USH2A: variants seen among roughly 807,000 people sequenced by gnomAD.
USH2A encodes usherin.
In USH2A, 443 loss-of-function variants were observed where a neutral mutation model predicts 538.9. The ratio of observed to expected loss-of-function variants is 0.82; its 90% CI spans 0.76 to 0.89. The LOEUF is 0.89. USH2A is among the 40% of genes least tolerant of loss of function. The pLI, the probability that USH2A is intolerant of heterozygous loss-of-function variation, is 0.00. For missense variants in USH2A, 6,633 were observed against 6,324.8 expected (o/e 1.05, Z -1.65); for synonymous variants, 2,413 against 2,273.5 (o/e 1.06, Z -1.75).
rs141474637 is a variant in USH2A at position 215,746,995 on chromosome 1, G to A, written c.11390-3660C>T. ...AAAGTTCAAGATTAGAGAATTGTAT[G>A]TATGGTGAGTGATTAGAATTTTTGC... On this transcript the variant is annotated intron_variant, in intron 58 of 71. Coordinates refer to ENST00000307340, the MANE Select transcript of USH2A (RefSeq NM_206933.4). 4.2e-3 allele frequency among the ~76,000 whole-genome samples: 639 copies of A among 152,288 alleles called. 3 individuals carry two copies. Among genetic ancestry groups the A allele is most frequent in the African/African-American group, 0.015 (620 of 41,556 alleles).
Position 216,422,366 on chromosome 1 carries a change from A to G in USH2A, c.-30T>C. 1 of 1,613,188 alleles carries G rather than the reference A, an allele frequency of 6.2e-7. No homozygotes were observed. Among genetic ancestry groups the G allele is most frequent in the Non-Finnish European group, 8.5e-7 (1 of 1,179,704 alleles). ...ACAAAAAAGCATTCTCCTCCTGATA[A>G]AGCATTTCTAAATAAATAATCAGGC... On this transcript the variant is annotated 5_prime_UTR_variant, in exon 2 of 72. Transcript: ENST00000307340.
chr1:216,400,256 C>A lies in USH2A; in HGVS notation c.651+18258G>T, dbSNP rs1414779466. On this transcript the variant is annotated intron_variant, in intron 3 of 71. Coordinates refer to ENST00000307340, the MANE Select transcript of USH2A (RefSeq NM_206933.4). ...TATATATAAAAGATCCAAACGGAAA[C>A]TAAATAACTGAAACATACAACCATT... is the stretch of plus-strand genomic sequence containing the variant. 4.0e-5 allele frequency among the ~76,000 whole-genome samples: 6 copies of A among 149,854 alleles called. No individual in the cohort carries two copies. The East Asian group carries it at 1.2e-3, about 29-fold the overall frequency.
intron 4 of USH2A, among the ~76,000 whole-genome samples, chr1:216,331,980 T>A (rs2037873559): frequency 6.6e-6 from 1 of 152,152 alleles, no homozygotes; most frequent in Non-Finnish European, 1.5e-5. Flanking sequence ...TGGACAGTGT[T>A]TATTTTTTAA....
At chr1:216,128,230 T>C (rs1310163607) in intron 21 of USH2A, among the ~76,000 whole-genome samples, 1 of 152,166 alleles carries the variant, frequency 6.6e-6, no homozygotes, top group Non-Finnish European at 1.5e-5. Context: ...ACATTACATT[T>C]GATGCTTTTT....
At chr1:216,048,376 A>AC (rs1298973857) in intron 31 of USH2A, among the ~76,000 whole-genome samples, 158 bp downstream of exon 31, 2 of 151,864 alleles carry the variant, frequency 1.3e-5, no homozygotes, top group Admixed American at 6.6e-5. Flanking sequence ...TCATTTTCGC[A>AC]CCCCCCCAAA....
Position 215,998,000 on chromosome 1 carries a change from G to C in USH2A, c.6657+887C>G, listed in dbSNP as rs1668177281. Among the ~76,000 whole-genome samples, 2 of 152,054 alleles carry C rather than the reference G, an allele frequency of 1.3e-5. 1 individual carries two copies. Among genetic ancestry groups the C allele is most frequent in the Non-Finnish European group, 2.9e-5 (2 of 67,942 alleles). Reference sequence around the variant, plus strand: ...AGTTGAGTGTAGTTTATTTTCTCATGGTATAATATTTAGAGCATTCAAGAG... The same window carrying C: ...AGTTGAGTGTAGTTTATTTTCTCATCGTATAATATTTAGAGCATTCAAGAG... On this transcript the variant is annotated intron_variant, in intron 34 of 71. Coordinates refer to ENST00000307340, the MANE Select transcript of USH2A (RefSeq NM_206933.4).
At chr1:216,203,341 G>A (rs2035040336) in intron 16 of USH2A, among the ~76,000 whole-genome samples, 1 of 151,870 alleles carries the variant, frequency 6.6e-6, no homozygotes, top group African/African-American at 2.4e-5. Context: ...ATGTTAGGCA[G>A]AGTAAGAGAT....
intron 44 of USH2A, among the ~76,000 whole-genome samples, chr1:215,858,602 A>G (rs2102432615): frequency 6.6e-6 from 1 of 150,790 alleles, no homozygotes; most frequent in East Asian, 2.0e-4. Context: ...TTTATAAATT[A>G]CTCAGTCTTG....
intron 11 of USH2A, among the ~76,000 whole-genome samples, chr1:216,277,767 C>T (rs1431000836): frequency 4.6e-5 from 7 of 152,052 alleles, no homozygotes; most frequent in African/African-American, 7.2e-5. Context: ...ATAGCAGAAG[C>T]GACACACACC....
intron 22 of USH2A, among the ~76,000 whole-genome samples, chr1:216,092,271 T>C (rs1381616113): frequency 1.3e-5 from 2 of 152,154 alleles, no homozygotes; most frequent in Admixed American, 6.6e-5. Context: ...AAAAGATTCA[T>C]AGACTTTGCC....
At position 216,199,283 on chromosome 1, in the gene USH2A, G is replaced by C. The variant is rs145484106; in HGVS notation, c.3811+344C>G. ...CTTAGAAGAGAAAAATGTACTGCTT[G>C]TGGGTGCCCTAACTTGTGACACAGT... On this transcript the variant is annotated intron_variant, in intron 17 of 71. Transcript: ENST00000307340. Among the ~76,000 whole-genome samples the C allele has an allele frequency of 6.4e-3, 978 of 152,192 alleles. 8 individuals are homozygous for C. Among genetic ancestry groups the C allele is most frequent in the African/African-American group, 0.022 (926 of 41,520 alleles).
At chr1:216,401,543 T>C (rs1467037989) in intron 3 of USH2A, among the ~76,000 whole-genome samples, 1 of 152,080 alleles carries the variant, frequency 6.6e-6, no homozygotes, top group Non-Finnish European at 1.5e-5. Flanking sequence ...CCAAAAAATA[T>C]GCTATCTGTA....
chr1:215,630,051 C>A, intron 70 of USH2A: 1 of 504,486 alleles, frequency 2.0e-6, no homozygotes, highest in Non-Finnish European at 3.9e-6. Context: ...TTTCTTTTTT[C>A]AGTAGAGTTT....
At chr1:215,755,209 G>C (rs974261503) in intron 58 of USH2A, among the ~76,000 whole-genome samples, 11 of 152,192 alleles carry the variant, frequency 7.2e-5, no homozygotes, top group Admixed American at 7.2e-4. Flanking sequence ...GTAAATTTGG[G>C]GTTGAGAATC....
chr1:215,816,380 C>G (rs1662858403), intron 48 of USH2A, among the ~76,000 whole-genome samples: 1 of 151,982 alleles, frequency 6.6e-6, no homozygotes, highest in Admixed American at 6.6e-5. Context: ...AACTCACTTT[C>G]TTAATTATGG....
chr1:215,934,513 G>A (rs1001825676), intron 38 of USH2A, 103 bp downstream of exon 38: 8 of 1,234,892 alleles, frequency 6.5e-6, no homozygotes, highest in African/African-American at 1.5e-5. Context: ...GAGCCTCTAA[G>A]TTCTAAAATA....
chr1:216,254,538 A>C (rs1361938193), intron 11 of USH2A, among the ~76,000 whole-genome samples: 2 of 152,148 alleles, frequency 1.3e-5, no homozygotes, highest in Non-Finnish European at 2.9e-5. Flanking sequence ...CAAACAGACA[A>C]TTTAAAATGC....
At chr1:215,725,569 G>A (rs913951015) in intron 61 of USH2A, among the ~76,000 whole-genome samples, 2 of 152,178 alleles carry the variant, frequency 1.3e-5, no homozygotes, top group African/African-American at 2.4e-5. Context: ...ATCTAATGAA[G>A]CCTTCTCTTG....
Position 215,901,016 on chromosome 1 carries a change from AT to A in USH2A, c.7301-112del, listed in dbSNP as rs563892939. On this transcript the variant is annotated intron_variant, in intron 38 of 71. Transcript: ENST00000307340. ...AAACTGTTCCTCAGGATCAACAACA[AT>A]GTTAAACATGGTCCATTTAATTTAA... The A allele has an allele frequency of 1.1e-4, 139 of 1,262,484 alleles. No individual in the cohort carries two copies. In the East Asian group the frequency reaches 2.8e-3, roughly 26 times the overall value. The allele number at this position is 1,262,484 out of a possible 1,614,324, so 78.2% of individuals were successfully genotyped here. A position where few individuals can be genotyped will look rare whatever the true frequency, so the allele number is the denominator to read the frequency against.
Sources: gnomAD v4.1 joint callset for allele counts (sites outside exome capture counted in the v4.1 genomes callset) on GRCh38, gnomAD v4.1.1 for gene constraint, MANE v1.5 for transcripts, NCBI Gene and HGNC (gene_info 2026-07-23, HGNC 2026-07-21) for gene names.